SYMPK: variants seen among roughly 807,000 people sequenced by gnomAD.
SYMPK encodes symplekin.
SYMPK carries 49 observed loss-of-function variants against 136.4 expected under a neutral mutation model. The observed-to-expected ratio is 0.36, with a 90% CI of 0.29 to 0.46. The LOEUF is 0.46. Among genes scored for constraint, SYMPK ranks in the 20% least tolerant of loss-of-function variants. The pLI is 1.00. For synonymous variants in SYMPK, 766 were observed against 713.0 expected, an observed-to-expected ratio of 1.07 and a Z score of -1.19; for missense variants, 1,365 against 1,690.0, an observed-to-expected ratio of 0.81 and a Z score of 3.37.
chr19:45,816,096 C>A lies in SYMPK; in HGVS notation c.3442G>T (p.Ala1148Ser). The A allele has an allele frequency of 1.3e-6, 2 of 1,557,164 alleles. No individual in the cohort carries two copies. Among genetic ancestry groups the A allele is most frequent in the Non-Finnish European group, 8.7e-7 (1 of 1,150,526 alleles). Residue 1148 changes from alanine (A) to serine (S), a missense_variant, in exon 26 of 27, where the codon GCC (alanine) becomes TCC (serine). By Grantham distance (99) the Ala-to-Ser change is moderately conservative (BLOSUM62 1). This residue lies in a region of SYMPK where 341 missense variants were observed against 270.5 expected (regional missense o/e 1.26). Transcript: ENST00000245934. The part of the protein sequence containing the change: ...LIGLRLAQEK[A>S]LKRQLEEEQK... ...TCCTCCTCCAGCTGCCGCTTTAAGG[C>A]CTTCTCCTGGGCCAGTCGCAGGCCG...
chr19:45,852,227 C>T, intron 5 of SYMPK, 85 bp downstream of exon 5: 1 of 1,405,686 alleles, frequency 7.1e-7, no homozygotes, highest in South Asian at 1.2e-5. Flanking sequence ...GGGCAGGCCT[C>T]TCAGTGGTGG....
chr19:45,834,081 G>A (rs905875700), intron 11 of SYMPK, among the ~76,000 whole-genome samples: 5 of 152,134 alleles, frequency 3.3e-5, no homozygotes, highest in Non-Finnish European at 7.4e-5. Flanking sequence ...AGATCAGGAG[G>A]TGGAGACCAT....
chr19:45,840,525 T>C (rs989204782), intron 9 of SYMPK, among the ~76,000 whole-genome samples: 1 of 151,830 alleles, frequency 6.6e-6, no homozygotes, highest in African/African-American at 2.4e-5. Context: ...TAGCTGGGCA[T>C]GGTGGCACAT....
Position 45,829,214 on chromosome 19 carries a change from A to T in SYMPK, c.1750-9T>A. 1 of 1,610,050 alleles carries T rather than the reference A, an allele frequency of 6.2e-7. No homozygotes were observed. Among genetic ancestry groups the T allele is most frequent in the Non-Finnish European group, 8.5e-7 (1 of 1,176,724 alleles). On this transcript the variant is annotated splice_polypyrimidine_tract_variant and intron_variant, in intron 13 of 26. Coordinates refer to ENST00000245934, the MANE Select transcript of SYMPK (RefSeq NM_004819.3). ...AGGATCTTTATGCGGACCTGGTGGG[A>T]GGGTGAGCCAGCATGTCAGTGTAGG... is the stretch of plus-strand genomic sequence containing the variant.
chr19:45,858,399 C>G (rs943933849), intron 1 of SYMPK, among the ~76,000 whole-genome samples: 45 of 152,312 alleles, frequency 3.0e-4, no homozygotes, highest in African/African-American at 1.0e-3. Context: ...GACTTTGTGC[C>G]TCTCTTCCGT....
chr19:45,845,216 G>A (rs1280692120), intron 7 of SYMPK, among the ~76,000 whole-genome samples: 1 of 151,354 alleles, frequency 6.6e-6, no homozygotes, highest in Non-Finnish European at 1.5e-5. Context: ...AGACTCAGGT[G>A]ATCCTCTCAA....
At chr19:45,850,058 A>G (rs1240809798) in intron 5 of SYMPK, among the ~76,000 whole-genome samples, 2 of 151,938 alleles carry the variant, frequency 1.3e-5, no homozygotes, top group African/African-American at 2.4e-5. Context: ...AACAAAAACA[A>G]AAACAAAAAC....
chr19:45,828,103 G>C (rs905026378), intron 14 of SYMPK, 185 bp from the exon 15 acceptor site: 13 of 582,334 alleles, frequency 2.2e-5, no homozygotes, highest in Middle Eastern at 4.5e-4. Context: ...GGATGATCTG[G>C]GCAGAGACTG....
intron 1 of SYMPK, among the ~76,000 whole-genome samples, chr19:45,859,070 G>A (rs984068513): frequency 7.3e-5 from 11 of 151,318 alleles, no homozygotes; most frequent in East Asian, 5.9e-4. Flanking sequence ...CATCGCCCCC[G>A]GCCTAGAACA....
chr19:45,815,625 C>T lies in SYMPK; in HGVS notation c.3760G>A (p.Ala1254Thr), dbSNP rs1429295826. Residue 1254 changes from alanine (A) to threonine (T), a missense_variant, in exon 27 of 27, where the codon GCT (alanine) becomes ACT (threonine). Coordinates refer to ENST00000245934, the MANE Select transcript of SYMPK (RefSeq NM_004819.3). ...PQTLAPVGEDAMKTPSPAAED... is the reference protein window; with the variant it reads ...PQTLAPVGEDTMKTPSPAAED... ...GCAGCCGGGCTGGGAGTCTTCATAG[C>T]ATCTTCTCCAACAGGTGCGAGGGTC... 3 of 1,609,472 alleles carry T rather than the reference C, an allele frequency of 1.9e-6. No homozygotes were observed. The highest frequency in any genetic ancestry group is 2.5e-6 in the Non-Finnish European group (3 of 1,178,882).
rs1970962465 is a variant in SYMPK, at chr19:45,823,632, A to G, written c.2599+135T>C. The stretch of plus-strand genomic sequence containing the variant: ...AGCACCACACTGTTCCAAATGGAGA[A>G]ACTGAGGCCCTAGGACAGGCACAGA... On this transcript the variant is annotated intron_variant, in intron 19 of 26. Transcript: ENST00000245934. 24 of 980,818 alleles carry G rather than the reference A, an allele frequency of 2.4e-5. No individual in the cohort carries two copies. In the South Asian group the frequency reaches 3.4e-4, roughly 14 times the overall value. The allele number at this position is 980,818 out of a possible 1,614,324, so 60.8% of individuals were successfully genotyped here. A position where few individuals can be genotyped will look rare whatever the true frequency, so the allele number is the denominator to read the frequency against.
chr19:45,846,282 T>C (rs977823681), intron 7 of SYMPK, among the ~76,000 whole-genome samples: 10 of 152,186 alleles, frequency 6.6e-5, no homozygotes, highest in Non-Finnish European at 1.2e-4. Flanking sequence ...CAACAGAGCA[T>C]TGCTTAATAG....
chr19:45,836,436 T>C (rs1204655783), intron 10 of SYMPK, among the ~76,000 whole-genome samples: 2 of 151,724 alleles, frequency 1.3e-5, no homozygotes, highest in Non-Finnish European at 2.9e-5. Flanking sequence ...CAAGACCATC[T>C]TGGCTAACAC....
chr19:45,830,380 A>G, intron 12 of SYMPK, 176 bp from the exon 13 acceptor site: 1 of 691,150 alleles, frequency 1.4e-6, no homozygotes. Context: ...AAGAGGAAGG[A>G]AGAGGATGTT....
intron 13 of SYMPK, 114 bp downstream of exon 13, chr19:45,829,940 C>T (rs1971128912): frequency 7.9e-7 from 1 of 1,259,762 alleles, no homozygotes; most frequent in African/African-American, 1.5e-5. Context: ...GGCAGCAGAG[C>T]TGGGGTCCGC....
chr19:45,838,065 C>T (rs758905150), intron 10 of SYMPK, among the ~76,000 whole-genome samples: 10 of 151,930 alleles, frequency 6.6e-5, no homozygotes, highest in African/African-American at 7.3e-5. Context: ...GGGGCCTGGT[C>T]GGGGGTGTTT....
At chr19:45,827,993 G>C in intron 14 of SYMPK, 75 bp from the exon 15 acceptor site, 1 of 1,395,370 alleles carries the variant, frequency 7.2e-7, no homozygotes, top group Non-Finnish European at 1.0e-6. Flanking sequence ...TGAATTGTAG[G>C]AGCTCAGGGC....
Position 45,821,174 on chromosome 19 carries a change from G to A in SYMPK, c.2893+210C>T. ...AGGTGGGTTGTAAAGGGTAAAACCT[G>A]GGAGGAAGGAAGGAGGAGGGAGGGA... is the stretch of plus-strand genomic sequence containing the variant. On this transcript the variant is annotated intron_variant, in intron 22 of 26. Coordinates refer to ENST00000245934, the MANE Select transcript of SYMPK (RefSeq NM_004819.3). The surrounding 1 kb of genome is among the most constrained non-coding windows in gnomAD (Gnocchi z 4.4). The A allele has an allele frequency of 4.3e-6, 3 of 699,236 alleles. No individual in the cohort carries two copies. Among genetic ancestry groups the A allele is most frequent in the Non-Finnish European group, 7.8e-6 (3 of 383,530 alleles). The allele number at this position is 699,236 out of a possible 1,614,324, so 43.3% of individuals were successfully genotyped here. A position where few individuals can be genotyped will look rare whatever the true frequency, so the allele number is the denominator to read the frequency against.
Position 45,838,497 on chromosome 19 carries a change from C to T in SYMPK, c.1206G>A (p.Leu402=). The part of the protein sequence containing the change: ...QSDTDITAEF[L]QPLLTPDNVA... The stretch of plus-strand genomic sequence containing the variant: ...CATTATCAGGCGTCAGCAGAGGCTG[C>T]AGGAACTCAGCTGTGATGTCCGTGT... The change falls in exon 10 of 27, where the codon CTG becomes CTA. Residue 402 remains leucine, a synonymous_variant. Coordinates refer to ENST00000245934, the MANE Select transcript of SYMPK (RefSeq NM_004819.3). 5 of 1,614,038 alleles carry T rather than the reference C, an allele frequency of 3.1e-6. No homozygotes were observed. Among genetic ancestry groups the T allele is most frequent in the Non-Finnish European group, 4.2e-6 (5 of 1,179,950 alleles).
Sources: allele counts gnomAD v4.1 joint callset (sites outside exome capture counted in the v4.1 genomes callset), GRCh38; gene constraint gnomAD v4.1.1; regional missense constraint gnomAD v4.1.1; non-coding constraint Gnocchi (gnomAD v3.1); transcripts MANE v1.5; gene names NCBI Gene and HGNC (gene_info 2026-07-23, HGNC 2026-07-21).